Variants in FANCI observed in about 807,000 individuals in gnomAD.
FANCI encodes the protein FA complementation group I, also known as Fanconi anemia group I protein.
Under a neutral mutation model 176.1 loss-of-function variants are expected in FANCI, and 156 were observed. That is an observed-to-expected ratio of 0.89 (90% confidence interval 0.78 to 1.01). FANCI has a LOEUF of 1.01. FANCI is among the 50% of genes least tolerant of loss of function. The pLI is 0.00. For missense variants in FANCI, 1,678 were observed against 1,534.1 expected (o/e 1.09, Z -1.57); for synonymous variants, 613 against 541.7 (o/e 1.13, Z -1.83).
intron 2 of FANCI, among the ~76,000 whole-genome samples, chr15:89,251,271 A>G (rs1220396417): frequency 6.6e-6 from 1 of 152,230 alleles, no homozygotes; most frequent in Non-Finnish European, 1.5e-5. Flanking sequence ...TGAGATGGAA[A>G]GCTTAAGCAG....
chr15:89,291,537 T>G (rs2054070313), intron 19 of FANCI, 76 bp from the exon 20 acceptor site: 5 of 1,141,970 alleles, frequency 4.4e-6, no homozygotes, highest in Non-Finnish European at 6.6e-6. Context: ...ACATTAAAGA[T>G]ACCTTTCACC....
Position 89,264,615 on chromosome 15 carries a change from A to G in FANCI, c.755+8A>G. ...GGAACAGAGTGGTGACGAGTGAGTA[A>G]TATAGTGTAGAAATAAAGATCATTT... On this transcript the variant is annotated splice_region_variant and intron_variant, in intron 9 of 37. Transcript: ENST00000310775. The G allele has an allele frequency of 6.2e-7, 1 of 1,606,394 alleles. No homozygotes were observed. Among genetic ancestry groups the G allele is most frequent in the Non-Finnish European group, 8.5e-7 (1 of 1,173,322 alleles).
chr15:89,253,547 G>A (rs946026574), intron 2 of FANCI, among the ~76,000 whole-genome samples: 16 of 126,838 alleles, frequency 1.3e-4, no homozygotes, highest in African/African-American at 6.3e-4. Context: ...AAATAAATAA[G>A]TATATGTTAG....
At chr15:89,260,272 T>C (rs183376344) in intron 3 of FANCI, among the ~76,000 whole-genome samples, 140 of 152,260 alleles carry the variant, frequency 9.2e-4, no homozygotes, top group African/African-American at 3.3e-3. Flanking sequence ...AATGAAAATA[T>C]CAAATGGAGA....
chr15:89,251,651 T>A (rs2052256300), intron 2 of FANCI, among the ~76,000 whole-genome samples: 1 of 152,164 alleles, frequency 6.6e-6, no homozygotes, highest in African/African-American at 2.4e-5. Context: ...TTAAAAAAAG[T>A]ACACCATGAT....
At chr15:89,287,641 C>T (rs1022216059) in intron 18 of FANCI, among the ~76,000 whole-genome samples, 26 of 152,200 alleles carry the variant, frequency 1.7e-4, no homozygotes, top group Admixed American at 1.6e-3. Context: ...CCTTACTAAA[C>T]TGGATCATTT....
chr15:89,265,126 A>C (rs2052884778), intron 9 of FANCI, among the ~76,000 whole-genome samples: 1 of 152,214 alleles, frequency 6.6e-6, no homozygotes, highest in South Asian at 2.1e-4. Flanking sequence ...AGATCAGAGA[A>C]CATTCTCAGG....
In FANCI at chr15:89,305,342, A is replaced by T. The variant is rs142756279; in HGVS notation, c.3188A>T (p.Asp1063Val). The part of the protein sequence containing the change: ...IHGHLGDIDQ[D>V]VEVEKTNHFA... ...TCTCACCTCTCTTCTTTTCCCCAGG[A>T]TGTAGAGGTGGAGAAAACAAACCAC... The change falls in exon 30 of 38, where the codon GAT (aspartate) becomes GTT (valine). Residue 1063 changes from aspartate (D) to valine (V), a missense_variant and splice_region_variant. This residue lies in a region of FANCI where 1,204 missense variants were observed against 1,077.4 expected (regional missense o/e 1.12). Transcript: ENST00000310775. 2.7e-5 allele frequency: 43 copies of T among 1,614,046 alleles called. No homozygotes were observed. Among genetic ancestry groups the T allele is most frequent in the Non-Finnish European group, 3.2e-5 (38 of 1,180,034 alleles).
intron 20 of FANCI, among the ~76,000 whole-genome samples, chr15:89,292,449 C>G (rs1011366199): frequency 6.6e-6 from 1 of 152,194 alleles, no homozygotes; most frequent in Non-Finnish European, 1.5e-5. Context: ...GATAGCACAT[C>G]TAATGTTGCA....
At chr15:89,257,450 T>C (rs1014068445) in intron 2 of FANCI, among the ~76,000 whole-genome samples, 1 of 152,214 alleles carries the variant, frequency 6.6e-6, no homozygotes, top group Non-Finnish European at 1.5e-5. Context: ...TTTTGAGGGC[T>C]ATGAGAATTT....
Position 89,316,514 on chromosome 15 carries a change from C to A in FANCI, c.*55C>A, listed in dbSNP as rs2055270079. 2.6e-6 allele frequency: 4 copies of A among 1,539,758 alleles called. No individual in the cohort carries two copies. Among genetic ancestry groups the A allele is most frequent in the Non-Finnish European group, 3.5e-6 (4 of 1,127,320 alleles). On this transcript the variant is annotated 3_prime_UTR_variant, in exon 38 of 38. Coordinates refer to ENST00000310775, the MANE Select transcript of FANCI (RefSeq NM_001113378.2). ...GGGCTTCTGCTTCATTTTTACCCAA[C>A]AAGCAACAATGCCCCTTGTCCTGTA...
chr15:89,249,513 A>G (rs930418404), intron 2 of FANCI, among the ~76,000 whole-genome samples: 2 of 151,998 alleles, frequency 1.3e-5, no homozygotes, highest in South Asian at 2.1e-4. Flanking sequence ...ATGTCCGACT[A>G]ATTTTTGTAT....
At chr15:89,263,782 C>T in intron 7 of FANCI, 121 bp from the exon 8 acceptor site, 4 of 1,206,698 alleles carry the variant, frequency 3.3e-6, no homozygotes, top group Non-Finnish European at 4.8e-6. Flanking sequence ...TTCTCTGCTC[C>T]CAAGTTTCAT....
chr15:89,271,087 T>C (rs2151411568), intron 10 of FANCI, among the ~76,000 whole-genome samples: 1 of 152,302 alleles, frequency 6.6e-6, no homozygotes, highest in South Asian at 2.1e-4. Context: ...GATTGCTGTT[T>C]TATTTTACAT....
intron 34 of FANCI, among the ~76,000 whole-genome samples, chr15:89,310,939 A>G (rs186750253): frequency 7.9e-4 from 120 of 152,216 alleles, no homozygotes; most frequent in African/African-American, 2.5e-3. Flanking sequence ...CCTGGCCAAC[A>G]TGGTGAAATC....
intron 34 of FANCI, among the ~76,000 whole-genome samples, chr15:89,309,074 G>C (rs1166814326): frequency 6.6e-6 from 1 of 152,082 alleles, no homozygotes; most frequent in Non-Finnish European, 1.5e-5. Flanking sequence ...TTTGTGATCT[G>C]GGTCAGGAAT....
rs1323354714 is a variant in FANCI, at chr15:89,314,731, T to C, written c.3816+24T>C. ...AGGTAAACATTCTCTTATTATGTGC[T>C]ACCATTCCCATTTACCTTCTTGACA... On this transcript the variant is annotated intron_variant, in intron 36 of 37. Coordinates refer to ENST00000310775, the MANE Select transcript of FANCI (RefSeq NM_001113378.2). 4 of 1,531,618 alleles carry C rather than the reference T, an allele frequency of 2.6e-6. No homozygotes were observed. In the Admixed American group the frequency reaches 6.7e-5, roughly 26 times the overall value. 94.9% of individuals were successfully genotyped at this position (1,531,618 alleles called of 1,614,324 possible). A position where few individuals can be genotyped will look rare whatever the true frequency, so the allele number is the denominator to read the frequency against.
rs760412752 is a variant in FANCI, at chr15:89,268,492, T to A, written c.849T>A (p.Tyr283Ter). Residue 283 changes from tyrosine to a stop codon, truncating the protein, a stop_gained, in exon 10 of 38, where the codon TAT becomes TAA. Coordinates refer to ENST00000310775, the MANE Select transcript of FANCI (RefSeq NM_001113378.2). LOFTEE classifies it high-confidence loss of function. ...TTGTGTTTGCCATCAAATTGGACTATGAACTAGGCAGAGAACTCGTGAAAC... is the reference window on the plus strand; with the variant it reads ...TTGTGTTTGCCATCAAATTGGACTAAGAACTAGGCAGAGAACTCGTGAAAC... ...LHIVFAIKLD[Y>*]ELGRELVKHL... 1.2e-6 allele frequency: 2 copies of A among 1,614,210 alleles called. No homozygotes were observed. The highest frequency in any genetic ancestry group is 1.7e-6 in the Non-Finnish European group (2 of 1,180,030).
intron 25 of FANCI, 90 bp from the exon 26 acceptor site, chr15:89,300,210 T>C: frequency 7.6e-7 from 1 of 1,310,348 alleles, no homozygotes; most frequent in Non-Finnish European, 1.1e-6. Flanking sequence ...CCTTTAGACT[T>C]TTTTTTGGCT....
Sources: allele counts gnomAD v4.1 joint callset (sites outside exome capture counted in the v4.1 genomes callset), GRCh38; gene constraint gnomAD v4.1.1; regional missense constraint gnomAD v4.1.1; transcripts MANE v1.5; gene names NCBI Gene and HGNC (gene_info 2026-07-23, HGNC 2026-07-21).